The following ADGRL2 variants were observed in gnomAD, a reference collection of about 807,000 sequenced individuals.
ADGRL2 encodes the protein adhesion G protein-coupled receptor L2.
ADGRL2 carries 44 observed loss-of-function variants against 157.4 expected under a neutral mutation model. That is an observed-to-expected ratio of 0.28 (90% CI 0.22 to 0.36). The LOEUF (loss-of-function observed/expected upper bound fraction) is 0.36. Among genes scored for constraint, ADGRL2 ranks in the 10% least tolerant of loss-of-function variants. The pLI is 1.00. For synonymous variants in ADGRL2, 585 were observed against 624.7 expected (o/e 0.94, Z 0.95); for missense variants, 1,510 against 1,768.9 (o/e 0.85, Z 2.63).
At chr1:81,531,475 T>TA (rs1557433445) in intron 2 of ADGRL2, among the ~76,000 whole-genome samples, 1 of 152,212 alleles carries the variant, frequency 6.6e-6, no homozygotes, top group African/African-American at 2.4e-5. Context: ...TAGTTCATAG[T>TA]AGACAGGCAA....
intron 11 of ADGRL2, among the ~76,000 whole-genome samples, chr1:81,962,397 CT>C (rs1427407591): frequency 6.6e-6 from 1 of 152,004 alleles, no homozygotes; most frequent in Non-Finnish European, 1.5e-5. Context: ...GACACTAATC[CT>C]GTAAAGATTA....
intron 1 of ADGRL2, among the ~76,000 whole-genome samples, chr1:81,806,957 G>A (rs981288462): frequency 2.0e-5 from 3 of 151,952 alleles, no homozygotes; most frequent in East Asian, 1.9e-4. Flanking sequence ...GGAGAGATGC[G>A]CATTTGATGT....
chr1:81,485,020 T>G (rs898267952), intron 2 of ADGRL2, among the ~76,000 whole-genome samples: 2 of 152,116 alleles, frequency 1.3e-5, no homozygotes, highest in African/African-American at 4.8e-5. Flanking sequence ...ACTAAAAGTT[T>G]CATCCAATGA....
At chr1:81,935,081 A>T (rs1413188464) in intron 3 of ADGRL2, among the ~76,000 whole-genome samples, 1 of 151,982 alleles carries the variant, frequency 6.6e-6, no homozygotes, top group Non-Finnish European at 1.5e-5. Flanking sequence ...GAGAAACTGT[A>T]AACCTACCTC....
At chr1:81,338,696 C>T (rs1308122593) in intron 1 of ADGRL2, among the ~76,000 whole-genome samples, 15 of 152,128 alleles carry the variant, frequency 9.9e-5, no homozygotes, top group Admixed American at 9.8e-4. Flanking sequence ...CTAAGTGATT[C>T]TTTATCCCTG....
At position 81,991,020 on chromosome 1, in the gene ADGRL2, C is replaced by T. The variant is rs917573208; in HGVS notation, c.4285C>T (p.Leu1429Phe). 1 of 1,614,008 alleles carries T rather than the reference C, an allele frequency of 6.2e-7. No homozygotes were observed. Among genetic ancestry groups the T allele is most frequent in the Non-Finnish European group, 8.5e-7 (1 of 1,179,994 alleles). ...SMPNLGAGHQ[L>F]QMCYQISRGN... is the part of the protein sequence containing the mutation. ...GCCAAATCTTGGAGCTGGCCATCAG[C>T]TTCAGATGTGCTACCAGATCAGCAG... The change falls in exon 24 of 24, where the codon CTT becomes TTT. Residue 1429 changes from leucine (L) to phenylalanine (F), a missense_variant. Transcript: ENST00000686636.
chr1:81,494,414 A>G (rs1166124175), intron 2 of ADGRL2, among the ~76,000 whole-genome samples: 2 of 152,168 alleles, frequency 1.3e-5, no homozygotes, highest in African/African-American at 4.8e-5. Flanking sequence ...ACAAGATCAA[A>G]TGCCCATGCT....
intron 2 of ADGRL2, among the ~76,000 whole-genome samples, chr1:81,785,164 T>C (rs2086984535): frequency 6.6e-6 from 1 of 152,172 alleles, no homozygotes. Flanking sequence ...AGTTGACAGA[T>C]ATTTGTTTTA....
chr1:81,884,624 T>TACAGA (rs1442984136), intron 2 of ADGRL2, among the ~76,000 whole-genome samples: 2 of 152,204 alleles, frequency 1.3e-5, no homozygotes, highest in Non-Finnish European at 2.9e-5. Flanking sequence ...TCTTGTGACA[T>TACAGA]AATCAGGGCT....
intron 1 of ADGRL2, among the ~76,000 whole-genome samples, chr1:81,361,302 G>A (rs1356160922): frequency 6.6e-6 from 1 of 151,884 alleles, no homozygotes; most frequent in Non-Finnish European, 1.5e-5. Flanking sequence ...ATTCTAATGT[G>A]CTTTTTAGAA....
intron 2 of ADGRL2, among the ~76,000 whole-genome samples, chr1:81,895,517 G>C (rs2094366280): frequency 6.8e-6 from 1 of 147,764 alleles, no homozygotes; most frequent in Admixed American, 7.0e-5. Flanking sequence ...TCCTGCCTCA[G>C]CCTCCTGAGT....
intron 3 of ADGRL2, among the ~76,000 whole-genome samples, chr1:81,920,762 C>A (rs1403514607): frequency 6.6e-6 from 1 of 151,874 alleles, no homozygotes; most frequent in Non-Finnish European, 1.5e-5. Context: ...TCTGAGAGAT[C>A]TCTGCCTCAA....
At chr1:81,625,410 C>A (rs937539151) in intron 3 of ADGRL2, among the ~76,000 whole-genome samples, 12 of 152,068 alleles carry the variant, frequency 7.9e-5, no homozygotes, top group Non-Finnish European at 1.3e-4. Flanking sequence ...TGTTGGGTGA[C>A]CAGGAAAATA....
At chr1:81,741,086 A>G (rs2149221605) in intron 1 of ADGRL2, among the ~76,000 whole-genome samples, 1 of 152,008 alleles carries the variant, frequency 6.6e-6, no homozygotes, top group East Asian at 1.9e-4. Context: ...GCCAGAGGCT[A>G]ATCATAGGTG....
chr1:81,603,969 T>A (rs2081383052), intron 3 of ADGRL2, among the ~76,000 whole-genome samples: 1 of 149,844 alleles, frequency 6.7e-6, no homozygotes, highest in Non-Finnish European at 1.5e-5. Flanking sequence ...CTTTTTCTTT[T>A]TTTTTTTTTT....
chr1:81,895,928 T>A (rs1010926345), intron 2 of ADGRL2, among the ~76,000 whole-genome samples: 2 of 152,154 alleles, frequency 1.3e-5, no homozygotes, highest in African/African-American at 4.8e-5. Context: ...TACCTAGCAA[T>A]GTTGGAGTGA....
At chr1:81,620,243 C>T (rs1479757802) in intron 3 of ADGRL2, among the ~76,000 whole-genome samples, 3 of 151,992 alleles carry the variant, frequency 2.0e-5, no homozygotes, top group Non-Finnish European at 4.4e-5. Context: ...ACAGTAGGTA[C>T]ATCTCACATT....
At chr1:81,649,973 G>T (rs911351875) in intron 3 of ADGRL2, among the ~76,000 whole-genome samples, 2 of 150,936 alleles carry the variant, frequency 1.3e-5, no homozygotes, top group Admixed American at 1.3e-4. Context: ...GCTAAGGTGA[G>T]AATTAAATGT....
chr1:81,427,669 A>G, intron 1 of ADGRL2: 2 of 505,702 alleles, frequency 4.0e-6, no homozygotes. Flanking sequence ...TTGTTAGGAA[A>G]GCTGGAGGTT....
Sources: gnomAD v4.1 joint callset for allele counts (sites outside exome capture counted in the v4.1 genomes callset) on GRCh38, gnomAD v4.1.1 for gene constraint, MANE v1.5 for transcripts, NCBI Gene and HGNC (gene_info 2026-07-23, HGNC 2026-07-21) for gene names.